The following AGBL1 variants were observed in gnomAD, a reference collection of about 807,000 sequenced individuals.
The protein encoded by AGBL1 is AGBL carboxypeptidase 1.
A neutral mutation model predicts 118.9 loss-of-function variants in AGBL1; 130 were observed. The ratio of observed to expected loss-of-function variants is 1.09; its 90% CI spans 0.95 to 1.26. The LOEUF is 1.26. AGBL1 is among the 50% of genes most tolerant of loss of function. The pLI is 0.00. For synonymous variants in AGBL1, 555 were observed against 478.9 expected (o/e 1.16, Z -2.08); for missense variants, 1,584 against 1,298.1 (o/e 1.22, Z -3.38).
At chr15:86,791,728 T>TTATATA (rs3059670) in intron 22 of AGBL1, among the ~76,000 whole-genome samples, 2,604 of 142,854 alleles carry the variant, frequency 0.018, 24 homozygotes, top group Middle Eastern at 0.029. Context: ...TCCTTGTTTT[T>TTATATA]TATATATATA....
intron 17 of AGBL1, among the ~76,000 whole-genome samples, chr15:86,384,957 G>T (rs1396197857): frequency 2.0e-5 from 3 of 152,130 alleles, no homozygotes; most frequent in Admixed American, 6.5e-5. Flanking sequence ...TTCCATTGGG[G>T]TATAGTAAAC....
At chr15:86,213,253 C>G (rs1010666550) in intron 5 of AGBL1, among the ~76,000 whole-genome samples, 7 of 152,156 alleles carry the variant, frequency 4.6e-5, no homozygotes, top group African/African-American at 1.4e-4. Context: ...AATCATGGAA[C>G]TACTGGGAGG....
chr15:86,254,736 C>A (rs939607603), intron 7 of AGBL1, among the ~76,000 whole-genome samples: 5 of 152,138 alleles, frequency 3.3e-5, no homozygotes, highest in African/African-American at 1.2e-4. Context: ...TTCTAGGAGC[C>A]TGAGAGCAAG....
chr15:86,478,447 C>T (rs994879392), intron 18 of AGBL1, among the ~76,000 whole-genome samples: 8 of 152,056 alleles, frequency 5.3e-5, no homozygotes, highest in East Asian at 1.9e-4. Flanking sequence ...AAGAGAAAAA[C>T]GGAGAGGCAA....
intron 17 of AGBL1, among the ~76,000 whole-genome samples, chr15:86,386,684 T>C (rs1342222151): frequency 6.6e-6 from 1 of 152,008 alleles, no homozygotes; most frequent in Non-Finnish European, 1.5e-5. Flanking sequence ...CCTCTTTCAA[T>C]CCCCATTACC....
intron 22 of AGBL1, among the ~76,000 whole-genome samples, chr15:86,886,445 C>G (rs988837741): frequency 4.6e-5 from 7 of 152,096 alleles, no homozygotes; most frequent in Non-Finnish European, 8.8e-5. Context: ...TTGGTTATCC[C>G]TAATCTGGAA....
intron 17 of AGBL1, among the ~76,000 whole-genome samples, chr15:86,344,443 G>T (rs1363677932): frequency 6.6e-6 from 1 of 152,120 alleles, no homozygotes; most frequent in Non-Finnish European, 1.5e-5. Flanking sequence ...CAACATCTAT[G>T]TGAATGGAGC....
chr15:86,207,034 G>A (rs912445785), intron 5 of AGBL1, among the ~76,000 whole-genome samples: 1 of 152,184 alleles, frequency 6.6e-6, no homozygotes, highest in Non-Finnish European at 1.5e-5. Context: ...CATATGGCTA[G>A]CCAGTTTTCC....
chr15:86,505,271 G>T (rs2082961857), intron 18 of AGBL1, among the ~76,000 whole-genome samples: 1 of 151,746 alleles, frequency 6.6e-6, no homozygotes, highest in Non-Finnish European at 1.5e-5. Context: ...GAGATTTTTG[G>T]ATGTGTAGAT....
intron 22 of AGBL1, among the ~76,000 whole-genome samples, chr15:86,708,584 A>G (rs1218264067): frequency 6.6e-6 from 1 of 152,124 alleles, no homozygotes; most frequent in Admixed American, 6.6e-5. Context: ...CCAGAATTAG[A>G]GCTATGTATA....
intron 21 of AGBL1, among the ~76,000 whole-genome samples, chr15:86,628,002 G>A (rs553392006): frequency 1.3e-5 from 2 of 152,356 alleles, no homozygotes; most frequent in African/African-American, 2.4e-5. Context: ...TAGGAGAGCT[G>A]TAGGCATGGA....
At chr15:86,334,163 C>G (rs1475976232) in intron 17 of AGBL1, among the ~76,000 whole-genome samples, 2 of 152,112 alleles carry the variant, frequency 1.3e-5, no homozygotes, top group Admixed American at 6.5e-5. Context: ...CAACATACTA[C>G]TGGAAGTCCC....
Position 86,860,123 on chromosome 15 carries a change from C to T in AGBL1, c.3159-46964C>T, listed in dbSNP as rs150404602. Among the ~76,000 whole-genome samples the T allele has an allele frequency of 3.9e-3, 597 of 152,186 alleles. 2 individuals carry two copies. The highest frequency in any genetic ancestry group is 6.5e-3 in the Non-Finnish European group (440 of 67,996). ...CTACGAACCTAACTTAGTCATTCAC[C>T]GACTGTAAAAACGGTGAACTTAGGG... On this transcript the variant is annotated intron_variant, in intron 22 of 22. Coordinates refer to ENST00000614907, the MANE Select transcript of AGBL1 (RefSeq NM_001386094.1).
At chr15:87,028,836 C>T (rs1457688527) in exon 25 of AGBL1, 1 of 1,605,830 alleles carries the variant, frequency 6.2e-7, no homozygotes, top group Non-Finnish European at 8.5e-7. Flanking sequence ...GTTTGTGACA[C>T]TTGATGAGGC....
rs1442791631 is a variant in AGBL1 at position 86,279,621 on chromosome 15, C to T, written c.2076-18C>T. On this transcript the variant is annotated intron_variant, in intron 15 of 22. Coordinates refer to ENST00000614907, the MANE Select transcript of AGBL1 (RefSeq NM_001386094.1). ...CACCTCTCCCTTATTCTCTTCTCTT[C>T]TCCTCCTCTCTCTTTAGAAATCATT... is the stretch of plus-strand genomic sequence containing the variant. 6.2e-7 allele frequency: 1 copy of T among 1,610,698 alleles called. No homozygotes were observed. The highest frequency in any genetic ancestry group is 8.5e-7 in the Non-Finnish European group (1 of 1,177,300).
chr15:86,120,249 AT>A (rs1898014646), intron 1 of AGBL1, among the ~76,000 whole-genome samples: 1 of 152,028 alleles, frequency 6.6e-6, no homozygotes, highest in African/African-American at 2.4e-5. Flanking sequence ...ATGAACACCT[AT>A]TGGCTTTAAG....
chr15:86,577,481 T>G (rs558385956), intron 21 of AGBL1, among the ~76,000 whole-genome samples: 16 of 152,292 alleles, frequency 1.1e-4, no homozygotes, highest in Middle Eastern at 6.8e-3. Flanking sequence ...GAAAATCTTA[T>G]TTTCTGAGGT....
At chr15:86,620,485 A>G (rs1307191102) in intron 21 of AGBL1, among the ~76,000 whole-genome samples, 1 of 152,130 alleles carries the variant, frequency 6.6e-6, no homozygotes, top group Non-Finnish European at 1.5e-5. Context: ...TTTGTATGCT[A>G]TTCCACACTT....
At chr15:86,883,666 T>A (rs1461518447) in intron 22 of AGBL1, among the ~76,000 whole-genome samples, 1 of 152,198 alleles carries the variant, frequency 6.6e-6, no homozygotes, top group Non-Finnish European at 1.5e-5. Flanking sequence ...TCTATTCCTG[T>A]GCCCAGTAAT....
Sources: gnomAD v4.1 joint callset for allele counts (sites outside exome capture counted in the v4.1 genomes callset) on GRCh38, gnomAD v4.1.1 for gene constraint, MANE v1.5 for transcripts, NCBI Gene and HGNC (gene_info 2026-07-23, HGNC 2026-07-21) for gene names.